PKN3: variants seen among roughly 807,000 people sequenced by gnomAD.
The protein encoded by PKN3 is protein kinase N3, also known as serine/threonine-protein kinase N3.
PKN3 carries 91 observed loss-of-function variants against 113.1 expected under a neutral mutation model. That is an observed-to-expected ratio of 0.80 (90% CI 0.68 to 0.96). PKN3 has a LOEUF of 0.96. Ranked by LOEUF, PKN3 falls within the 40% of genes least tolerant of loss-of-function variation. The pLI is 0.00. For synonymous variants in PKN3, 467 were observed against 499.0 expected, an observed-to-expected ratio of 0.94 and a Z score of 0.85; for missense variants, 1,052 against 1,202.2, an observed-to-expected ratio of 0.88 and a Z score of 1.85.
chr9:128,718,237 C>T, intron 16 of PKN3, 88 bp from the exon 17 acceptor site: 1 of 965,070 alleles, frequency 1.0e-6, no homozygotes, highest in Non-Finnish European at 1.7e-6. Context: ...CATCCGGGAT[C>T]CCCCCGCTAT....
In PKN3 at chr9:128,720,337, G is replaced by A; in HGVS notation, c.2457+54G>A. On this transcript the variant is annotated intron_variant, in intron 21 of 21. Coordinates refer to ENST00000291906, the MANE Select transcript of PKN3 (RefSeq NM_013355.5). This position sits in a 1 kb window ranked among gnomAD's most constrained non-coding sequence, Gnocchi z 5.5. ...TGTGCCTGGCAGGGTAGGTGGCATGGAGTGACTCCTGGAGCTGCTGTTCCT... is the reference window on the plus strand; with the variant it reads ...TGTGCCTGGCAGGGTAGGTGGCATGAAGTGACTCCTGGAGCTGCTGTTCCT... The A allele has an allele frequency of 1.9e-6, 3 of 1,610,930 alleles. No homozygotes were observed. In the South Asian group the frequency reaches 3.3e-5, roughly 18 times the overall value.
At chr9:128,710,812 G>A (rs986340146) in intron 6 of PKN3, among the ~76,000 whole-genome samples, 1 of 151,936 alleles carries the variant, frequency 6.6e-6, no homozygotes, top group Non-Finnish European at 1.5e-5. Flanking sequence ...TTTTCTAGAG[G>A]AGGTGGTGTC....
Position 128,718,463 on chromosome 9 carries a change from C to T in PKN3, c.2048+76C>T, listed in dbSNP as rs1481189054. On this transcript the variant is annotated intron_variant, in intron 17 of 21. Coordinates refer to ENST00000291906, the MANE Select transcript of PKN3 (RefSeq NM_013355.5). ...AGTGGGTAAGGACAGATGCTGCCTC[C>T]GCCTGCCTGGGCTGCTCCAGGGGCC... is the stretch of plus-strand genomic sequence containing the variant. 2.1e-5 allele frequency: 34 copies of T among 1,581,506 alleles called. No individual in the cohort carries two copies. In the Admixed American group the frequency reaches 2.8e-4, roughly 13 times the overall value.
At chr9:128,704,872 C>T (rs1324475911) in intron 1 of PKN3, among the ~76,000 whole-genome samples, 2 of 149,696 alleles carry the variant, frequency 1.3e-5, no homozygotes, top group African/African-American at 4.9e-5. Context: ...GAACCGAGAT[C>T]GTGCCATGGC....
chr9:128,716,477 A>G (rs1342408682), intron 15 of PKN3, among the ~76,000 whole-genome samples: 1 of 151,894 alleles, frequency 6.6e-6, no homozygotes, highest in Non-Finnish European at 1.5e-5. Context: ...GCACTCCTAT[A>G]ATCCCAGCTA....
intron 9 of PKN3, 138 bp downstream of exon 9, chr9:128,713,780 C>T: frequency 2.1e-6 from 2 of 948,812 alleles, no homozygotes; most frequent in South Asian, 3.3e-5. Flanking sequence ...GGGCTCCTAG[C>T]CGCTCTCTCA....
chr9:128,713,003 CA>C (rs983482312), intron 6 of PKN3, 48 bp from the exon 7 acceptor site: 19 of 1,545,550 alleles, frequency 1.2e-5, no homozygotes, highest in Non-Finnish European at 1.6e-5. Flanking sequence ...TTGGTGGTAG[CA>C]GTGGGAAGAT....
chr9:128,713,465 C>T (rs779800446), intron 8 of PKN3, 34 bp from the exon 9 acceptor site: 14 of 1,613,554 alleles, frequency 8.7e-6, no homozygotes, highest in East Asian at 2.2e-5. Context: ...GCTCGTTCTG[C>T]ACCCCACCCT....
chr9:128,716,086 T>G (rs1269096782), intron 15 of PKN3, among the ~76,000 whole-genome samples: 1 of 150,798 alleles, frequency 6.6e-6, no homozygotes, highest in Non-Finnish European at 1.5e-5. Context: ...GTGGGAGGAT[T>G]GCTTGAGCCC....
At chr9:128,703,342 C>A in intron 1 of PKN3, 1 of 983,578 alleles carries the variant, frequency 1.0e-6, no homozygotes, top group Non-Finnish European at 1.2e-6. Flanking sequence ...TTAGAATGTG[C>A]GCGCAGCGGG....
chr9:128,712,916 GC>G (rs1187422779), intron 6 of PKN3, 135 bp from the exon 7 acceptor site: 1 of 870,828 alleles, frequency 1.1e-6, no homozygotes, highest in African/African-American at 1.7e-5. Context: ...TCAGGTAACT[GC>G]CCTGGCCTCA....
In PKN3 at chr9:128,718,586, G is replaced by A. The variant is rs1862414745; in HGVS notation, c.2086G>A (p.Gly696Arg). The change falls in exon 18 of 22, where the codon GGA becomes AGA. Residue 696 changes from glycine to arginine, a missense_variant. Gly to Arg is a moderately radical substitution (Grantham distance 125, BLOSUM62 -2). This residue lies in a region of PKN3 where 333 missense variants were observed against 442.8 expected (regional missense o/e 0.75). Coordinates refer to ENST00000291906, the MANE Select transcript of PKN3 (RefSeq NM_013355.5). ...KLDNLLLDAQGFLKIADFGLC... is the reference protein window; with the variant it reads ...KLDNLLLDAQRFLKIADFGLC... ...GGATAACCTTCTGCTGGATGCCCAG[G>A]GATTCCTGAAGATCGCAGACTTTGG... 6.2e-7 allele frequency: 1 copy of A among 1,613,972 alleles called. No homozygotes were observed. The highest frequency in any genetic ancestry group is 8.5e-7 in the Non-Finnish European group (1 of 1,180,028).
chr9:128,709,235 G>A (rs1445592114), intron 6 of PKN3, among the ~76,000 whole-genome samples: 1 of 150,070 alleles, frequency 6.7e-6, no homozygotes, highest in African/African-American at 2.5e-5. Context: ...ACAGTGAGCC[G>A]AGATCGCACC....
Position 128,713,185 on chromosome 9 carries a change from A to T in PKN3, c.969A>T (p.Arg323=). ...CCAAGGCCAAGCACCAGCGTGGCCG[A>T]GGCGAGCTTGCCAGTGAGTAGGGAA... ...LRTKAKHQRG[R]GELASEVLAV... The change falls in exon 7 of 22, where the codon CGA becomes CGT. Residue 323 remains arginine, a synonymous_variant. Transcript: ENST00000291906. The T allele has an allele frequency of 6.2e-7, 1 of 1,607,130 alleles. No homozygotes were observed. Among genetic ancestry groups the T allele is most frequent in the Non-Finnish European group, 8.5e-7 (1 of 1,174,920 alleles).
chr9:128,713,771 G>T, intron 9 of PKN3, 129 bp downstream of exon 9: 3 of 995,658 alleles, frequency 3.0e-6, no homozygotes, highest in Non-Finnish European at 4.4e-6. Context: ...CAGGAATAAG[G>T]GCTCCTAGCC....
Position 128,716,900 on chromosome 9 carries a change from T to C in PKN3, c.1962T>C (p.Asp654=). The part of the protein sequence containing the change: ...GGDLMMQIHE[D]VFPEPQARFY... ...ACCTCATGATGCAGATCCACGAGGA[T>C]GTCTTCCCCGAGCCCCAGGCCCGGT... The change falls in exon 16 of 22, where the codon GAT becomes GAC. Residue 654 remains aspartate, a synonymous_variant. Transcript: ENST00000291906. The C allele has an allele frequency of 2.5e-6, 4 of 1,613,874 alleles. No individual in the cohort carries two copies. The highest frequency in any genetic ancestry group is 3.4e-6 in the Non-Finnish European group (4 of 1,179,962).
intron 18 of PKN3, among the ~76,000 whole-genome samples, chr9:128,718,909 T>G (rs1364628046): frequency 6.8e-6 from 1 of 147,468 alleles, no homozygotes; most frequent in African/African-American, 2.5e-5. Context: ...TTTGTTTTTT[T>G]TTTTGAGACG....
chr9:128,702,979 G>C, intron 1 of PKN3, 40 bp downstream of exon 1: 3 of 1,333,712 alleles, frequency 2.2e-6, no homozygotes, highest in South Asian at 3.1e-5. Context: ...CGGGGGGTGC[G>C]AGAAAGCCTC....
At chr9:128,716,620 G>T (rs1447068982) in intron 15 of PKN3, 127 bp from the exon 16 acceptor site, 19 of 650,482 alleles carry the variant, frequency 2.9e-5, no homozygotes, top group Middle Eastern at 3.4e-4. Flanking sequence ...AAAATGAAAA[G>T]AAACCATCAG....
Sources: allele counts gnomAD v4.1 joint callset (sites outside exome capture counted in the v4.1 genomes callset), GRCh38; gene constraint gnomAD v4.1.1; regional missense constraint gnomAD v4.1.1; non-coding constraint Gnocchi (gnomAD v3.1); transcripts MANE v1.5; gene names NCBI Gene and HGNC (gene_info 2026-07-23, HGNC 2026-07-21).